The following TULP3 variants were observed in gnomAD, a reference collection of about 807,000 sequenced individuals.
TULP3 encodes TUB like protein 3.
TULP3 carries 38 observed loss-of-function variants against 50.7 expected under a neutral mutation model. The ratio of observed to expected loss-of-function variants is 0.75; its 90% CI spans 0.58 to 0.98. The LOEUF (loss-of-function observed/expected upper bound fraction) is 0.98, where lower values mean the gene tolerates loss of function less well. Ranked by LOEUF, TULP3 falls within the 50% of genes least tolerant of loss-of-function variation. The pLI, the probability that TULP3 is intolerant of heterozygous loss-of-function variation, is 0.00. For missense variants in TULP3, 550 were observed against 568.0 expected (o/e 0.97, Z 0.32); for synonymous variants, 183 against 196.6 (o/e 0.93, Z 0.58).
intron 4 of TULP3, among the ~76,000 whole-genome samples, chr12:2,922,958 A>G (rs2098192654): frequency 1.3e-5 from 2 of 149,346 alleles, no homozygotes; most frequent in South Asian, 4.2e-4. Context: ...GGTTCACGCC[A>G]TTCTCCTGCC....
Position 2,934,484 on chromosome 12 carries a change from C to G in TULP3, c.847C>G (p.Arg283Gly). The G allele has an allele frequency of 6.2e-7, 1 of 1,604,154 alleles. No individual in the cohort carries two copies. Among genetic ancestry groups the G allele is most frequent in the Non-Finnish European group, 8.5e-7 (1 of 1,175,736 alleles). Reference protein sequence around the residue: ...LMGTKFTVYDRGICPMKGRGL... With the variant: ...LMGTKFTVYDGGICPMKGRGL... ...GGGGACCAAGTTTACAGTTTATGAC[C>G]GTGGCATCTGCCCCATGAAGGGCCG... Residue 283 changes from arginine to glycine, a missense_variant, in exon 8 of 11, where the codon CGT becomes GGT. Arg to Gly is a moderately radical substitution (Grantham distance 125, BLOSUM62 -2). Coordinates refer to ENST00000448120, the MANE Select transcript of TULP3 (RefSeq NM_003324.5).
rs141009892 is a variant in TULP3, at chr12:2,937,256, G to A, written c.925-375G>A. ...TCTGAGGCAGAGTCTCACTCTTGTC[G>A]CCCAGGCTGGAGTGCAACGGCGTGA... On this transcript the variant is annotated intron_variant, in intron 8 of 10. Transcript: ENST00000448120. Among the ~76,000 whole-genome samples the A allele has an allele frequency of 3.2e-3, 337 of 103,806 alleles. 3 individuals carry two copies. Among genetic ancestry groups the A allele is most frequent in the Middle Eastern group, 0.027 (2 of 74 alleles). The allele number at this position is 103,806 out of a possible 152,430, so 68.1% of individuals were successfully genotyped here.
At chr12:2,922,892 C>T (rs1165191320) in intron 4 of TULP3, among the ~76,000 whole-genome samples, 6 of 146,886 alleles carry the variant, frequency 4.1e-5, no homozygotes, top group South Asian at 2.1e-4. Flanking sequence ...CTCACTCTGT[C>T]GCGCTGGCTG....
At chr12:2,937,086 C>CA (rs1180247521) in intron 8 of TULP3, among the ~76,000 whole-genome samples, 3 of 146,650 alleles carry the variant, frequency 2.0e-5, no homozygotes, top group African/African-American at 7.6e-5. Context: ...AGCCTGGCGA[C>CA]AGAGCGTGAC....
At chr12:2,912,036 C>T (rs1026206449) in intron 2 of TULP3, among the ~76,000 whole-genome samples, 1 of 151,760 alleles carries the variant, frequency 6.6e-6, no homozygotes, top group Non-Finnish European at 1.5e-5. Flanking sequence ...AAGGAAGTCA[C>T]TCAGTAGGGG....
At chr12:2,895,247 C>T (rs1015111233) in intron 1 of TULP3, among the ~76,000 whole-genome samples, 2 of 152,168 alleles carry the variant, frequency 1.3e-5, no homozygotes, top group Non-Finnish European at 2.9e-5. Context: ...TTCTCATTGC[C>T]TCCCTCTCCC....
chr12:2,903,562 CAAA>C (rs78763103), intron 1 of TULP3, among the ~76,000 whole-genome samples: 63 of 126,356 alleles, frequency 5.0e-4, no homozygotes, highest in Admixed American at 4.9e-4. Flanking sequence ...GACTCTATCT[CAAA>C]AAAAAAAAAA....
rs752277363 is a variant in TULP3 at position 2,933,480 on chromosome 12, T to C, written c.759T>C (p.Ile253=). The C allele has an allele frequency of 1.7e-5, 28 of 1,613,942 alleles. No individual in the cohort carries two copies. Among genetic ancestry groups the C allele is most frequent in the Non-Finnish European group, 2.2e-5 (26 of 1,179,984 alleles). The stretch of plus-strand genomic sequence containing the variant: ...AAACAGCCAACTACCTTATCTCCAT[T>C]GATCCAGTTGATTTATCTCGTGAAG... The part of the protein sequence containing the change: ...KSKTANYLIS[I]DPVDLSREGE... Residue 253 remains isoleucine, a synonymous_variant, in exon 7 of 11, where the codon ATT becomes ATC. Transcript: ENST00000448120.
chr12:2,919,294 T>C (rs1236132060), intron 2 of TULP3, among the ~76,000 whole-genome samples: 1 of 152,218 alleles, frequency 6.6e-6, no homozygotes, highest in Non-Finnish European at 1.5e-5. Flanking sequence ...TGGTAATTCA[T>C]GAAATCTCAA....
intron 1 of TULP3, among the ~76,000 whole-genome samples, chr12:2,895,187 C>A (rs370656771): frequency 4.1e-4 from 63 of 152,326 alleles, no homozygotes; most frequent in African/African-American, 1.5e-3. Context: ...GTTTTCCCTG[C>A]AGCATTCTTT....
At chr12:2,917,955 G>T (rs2098189659) in intron 2 of TULP3, among the ~76,000 whole-genome samples, 1 of 151,774 alleles carries the variant, frequency 6.6e-6, no homozygotes, top group South Asian at 2.1e-4. Flanking sequence ...TGGGTGTGGT[G>T]GCAGGTGCCT....
intron 1 of TULP3, among the ~76,000 whole-genome samples, chr12:2,901,739 A>G (rs1347550689): frequency 6.6e-6 from 1 of 152,146 alleles, no homozygotes; most frequent in Non-Finnish European, 1.5e-5. Context: ...GATTTTAAAT[A>G]TTAATTTTTT....
intron 4 of TULP3, among the ~76,000 whole-genome samples, chr12:2,926,829 CG>C (rs1365093640): frequency 1.2e-4 from 18 of 152,178 alleles, no homozygotes; most frequent in South Asian, 2.1e-4. Flanking sequence ...ATCGATTGAA[CG>C]TTGTGGGTGG....
rs2098182293 is a variant in TULP3 at position 2,906,423 on chromosome 12, G to C, written c.42-3106G>C. ...GGCTCACTGAATCCTCCGCCTCCTG[G>C]GTTCAAGTGATTCTCCTGCCTCAGC... On this transcript the variant is annotated intron_variant, in intron 1 of 10. Coordinates refer to ENST00000448120, the MANE Select transcript of TULP3 (RefSeq NM_003324.5). Among the ~76,000 whole-genome samples, 4 of 150,930 alleles carry C rather than the reference G, an allele frequency of 2.7e-5. No individual in the cohort carries two copies. In the South Asian group the frequency reaches 8.4e-4, roughly 32 times the overall value.
At chr12:2,910,952 A>G (rs1280484932) in intron 2 of TULP3, among the ~76,000 whole-genome samples, 4 of 152,002 alleles carry the variant, frequency 2.6e-5, no homozygotes, top group Admixed American at 1.3e-4. Flanking sequence ...ATTTTTATTC[A>G]TTTTTATTCT....
chr12:2,891,851 C>G (rs2098172296), intron 1 of TULP3, among the ~76,000 whole-genome samples: 1 of 151,828 alleles, frequency 6.6e-6, no homozygotes, highest in African/African-American at 2.4e-5. Flanking sequence ...CTCAGGAGTT[C>G]GAGACCAGCC....
Position 2,929,715 on chromosome 12 carries a change from T to C in TULP3, c.395-533T>C, listed in dbSNP as rs547450007. 1.4e-3 allele frequency among the ~76,000 whole-genome samples: 217 copies of C among 152,066 alleles called. 1 individual carries two copies. The highest frequency in any genetic ancestry group is 5.0e-3 in the African/African-American group (208 of 41,504). On this transcript the variant is annotated intron_variant, in intron 4 of 10. Transcript: ENST00000448120. ...AAGCGATTCTCCTGCCTCAGCCTCCTGAGTAGCTGGGACTACAGGTGCGTG... is the reference window on the plus strand; with the variant it reads ...AAGCGATTCTCCTGCCTCAGCCTCCCGAGTAGCTGGGACTACAGGTGCGTG...
At chr12:2,929,838 C>G (rs1237411123) in intron 4 of TULP3, among the ~76,000 whole-genome samples, 5 of 152,140 alleles carry the variant, frequency 3.3e-5, no homozygotes, top group Non-Finnish European at 7.4e-5. Context: ...ATCTGCCCAC[C>G]TCAGCCTCCC....
intron 6 of TULP3, among the ~76,000 whole-genome samples, chr12:2,932,253 C>T (rs1340543844): frequency 6.6e-6 from 1 of 151,878 alleles, no homozygotes; most frequent in Non-Finnish European, 1.5e-5. Flanking sequence ...ATGTGGTTGA[C>T]ATTCCTCTGT....
Sources: allele counts gnomAD v4.1 joint callset (sites outside exome capture counted in the v4.1 genomes callset), GRCh38; gene constraint gnomAD v4.1.1; transcripts MANE v1.5; gene names NCBI Gene and HGNC (gene_info 2026-07-23, HGNC 2026-07-21).